The following QARS1 variants were observed in gnomAD, a reference collection of about 807,000 sequenced individuals.
The protein encoded by QARS1 is glutaminyl-tRNA synthetase 1.
QARS1 carries 79 observed loss-of-function variants against 106.9 expected under a neutral mutation model. The observed-to-expected ratio is 0.74, with a 90% CI of 0.62 to 0.89. The LOEUF is 0.89. QARS1 is among the 40% of genes least tolerant of loss of function. The probability of loss-of-function intolerance (pLI) is 0.00; values close to 1 mark genes in which losing one functional copy is unlikely to be tolerated. For synonymous variants in QARS1, 395 were observed against 367.7 expected, an observed-to-expected ratio of 1.07 and a Z score of -0.85; for missense variants, 966 against 997.2, an observed-to-expected ratio of 0.97 and a Z score of 0.42.
At position 49,100,403 on chromosome 3, in the gene QARS1, C is replaced by T. The variant is rs565068821; in HGVS notation, c.1032G>A (p.Ala344=). 2.8e-5 allele frequency: 46 copies of T among 1,614,240 alleles called. No individual in the cohort carries two copies. The highest frequency in any genetic ancestry group is 5.0e-5 in the Admixed American group (3 of 60,036). ...ACCTGCGGATGAGCTCCACAGCCCA[C>T]GCATATAGCTGGTCAAAATAGTCAG... The part of the protein sequence containing the change: ...YASDYFDQLY[A]WAVELIRRGL... The change falls in exon 12 of 24, where the codon GCG becomes GCA. Residue 344 remains alanine, a synonymous_variant. Coordinates refer to ENST00000306125, the MANE Select transcript of QARS1 (RefSeq NM_005051.3).
In QARS1 at chr3:49,099,303, A is replaced by C. The variant is rs376649448; in HGVS notation, c.1614+41T>G. 2.5e-6 allele frequency: 4 copies of C among 1,613,928 alleles called. No individual in the cohort carries two copies. In the African/African-American group the frequency reaches 5.3e-5, roughly 22 times the overall value. On this transcript the variant is annotated intron_variant, in intron 17 of 23. Coordinates refer to ENST00000306125, the MANE Select transcript of QARS1 (RefSeq NM_005051.3). ...CACAGCTACAATCACAAACTGCCAC[A>C]CTCAACCCCCAATGTATCTACCCAA...
At chr3:49,099,059 G>A (rs747263842) in intron 18 of QARS1, 51 bp downstream of exon 18, 5 of 1,613,672 alleles carry the variant, frequency 3.1e-6, no homozygotes, top group Non-Finnish European at 8.5e-7. Context: ...AGAGCCAAGT[G>A]TACCCCCAGC....
Position 49,099,429 on chromosome 3 carries a change from T to C in QARS1, c.1529A>G (p.Asp510Gly). 1 of 1,614,118 alleles carries C rather than the reference T, an allele frequency of 6.2e-7. No individual in the cohort carries two copies. Among genetic ancestry groups the C allele is most frequent in the South Asian group, 1.1e-5 (1 of 91,078 alleles). ...TGTAAAGAGCCGTGGGTCATCCCAG[T>C]CCCTGTGGATAAGAAGGTGGTGAGA... ...LQLVATGAVR[D>G]WDDPRLFTLT... is the part of the protein sequence containing the mutation. Residue 510 changes from aspartate (D) to glycine (G), a missense_variant and splice_region_variant, in exon 17 of 24, where the codon GAC becomes GGC. Coordinates refer to ENST00000306125, the MANE Select transcript of QARS1 (RefSeq NM_005051.3).
chr3:49,099,885 C>A, intron 14 of QARS1, 32 bp from the exon 15 acceptor site: 1 of 1,614,020 alleles, frequency 6.2e-7, no homozygotes. Context: ...CCCTACCATC[C>A]AGCCCTACTC....
Position 49,095,986 on chromosome 3 carries a change from G to A in QARS1, c.*43C>T. The A allele has an allele frequency of 6.3e-7, 1 of 1,591,324 alleles. No homozygotes were observed. The highest frequency in any genetic ancestry group is 8.6e-7 in the Non-Finnish European group (1 of 1,161,470). On this transcript the variant is annotated 3_prime_UTR_variant, in exon 24 of 24. Transcript: ENST00000306125. ...CATGGAATTTGGGGTGGCGAGGGTA[G>A]CCACACCCTCCAGGAGGATGAGGTA... is the stretch of plus-strand genomic sequence containing the variant.
chr3:49,103,207 C>T, intron 5 of QARS1, 138 bp downstream of exon 5: 5 of 877,986 alleles, frequency 5.7e-6, no homozygotes, highest in South Asian at 5.7e-5. Context: ...ATCCTCCTGC[C>T]TCAGCCTCCC....
Position 49,098,242 on chromosome 3 carries a change from G to A in QARS1, c.2101C>T (p.Pro701Ser), listed in dbSNP as rs746554229. The change falls in exon 22 of 24, where the codon CCT (proline) becomes TCT (serine). Residue 701 changes from proline (P) to serine (S), a missense_variant. Transcript: ENST00000306125. Reference sequence around the variant, plus strand: ...CCAGGCACCTCAGTAGGATCTTCAGGGTTCTTGTGCTGGAATCTGCAGCCA... The same window carrying A: ...CCAGGCACCTCAGTAGGATCTTCAGAGTTCTTGTGCTGGAATCTGCAGCCA... ...LYERLFQHKN[P>S]EDPTEVPGGF... is the part of the protein sequence containing the mutation. The A allele has an allele frequency of 1.2e-6, 2 of 1,614,140 alleles. No homozygotes were observed. Among genetic ancestry groups the A allele is most frequent in the Non-Finnish European group, 1.7e-6 (2 of 1,180,034 alleles).
chr3:49,100,084 C>T lies in QARS1; in HGVS notation c.1172G>A (p.Arg391His), dbSNP rs746827969. The T allele has an allele frequency of 5.6e-6, 9 of 1,614,222 alleles. No individual in the cohort carries two copies. The highest frequency in any genetic ancestry group is 4.5e-5 in the East Asian group (2 of 44,888). The change falls in exon 14 of 24, where the codon CGC (arginine) becomes CAC (histidine). Residue 391 changes from arginine to histidine, a missense_variant. Transcript: ENST00000306125. ...CTCGCCCTCTGAAAACTTGCCCTTG[C>T]GCATTGCCTGAGGGGAACAAGGACT... is the stretch of plus-strand genomic sequence containing the variant. ...EESLLLFEAM[R>H]KGKFSEGEAT...
At chr3:49,100,728 C>T (rs768754436) in intron 10 of QARS1, 54 bp from the exon 11 acceptor site, 1 of 1,384,534 alleles carries the variant, frequency 7.2e-7, no homozygotes, top group Non-Finnish European at 1.0e-6. Context: ...GCCCCACAAT[C>T]CTGTTTATCA....
intron 7 of QARS1, 28 bp downstream of exon 7, chr3:49,102,177 G>A (rs1207537381): frequency 5.6e-6 from 9 of 1,613,782 alleles, no homozygotes; most frequent in Non-Finnish European, 4.2e-6. Context: ...GGAGCTGAAT[G>A]CTGTGACAGG....
Position 49,098,129 on chromosome 3 carries a change from G to A in QARS1, c.2152-12C>T. ...ACGTGTAGTGATGCCTGCAGGCAGG[G>A]AACTCAGGCAACCATCCAACCAGGG... On this transcript the variant is annotated splice_polypyrimidine_tract_variant and intron_variant, in intron 22 of 23. Transcript: ENST00000306125. 6.2e-7 allele frequency: 1 copy of A among 1,614,180 alleles called. No homozygotes were observed. Among genetic ancestry groups the A allele is most frequent in the Non-Finnish European group, 8.5e-7 (1 of 1,180,042 alleles).
chr3:49,103,084 A>G (rs1308051071), intron 5 of QARS1, among the ~76,000 whole-genome samples: 1 of 152,072 alleles, frequency 6.6e-6, no homozygotes, highest in Non-Finnish European at 1.5e-5. Context: ...CAGCCCCACA[A>G]ATTGCTGGGA....
Position 49,099,856 on chromosome 3 carries a change from G to C in QARS1, c.1296-3C>G, listed in dbSNP as rs1001357206. On this transcript the variant is annotated splice_region_variant and splice_polypyrimidine_tract_variant and intron_variant, in intron 14 of 23. Coordinates refer to ENST00000306125, the MANE Select transcript of QARS1 (RefSeq NM_005051.3). ...AGTCGTAGGTGGGATAGATGCACCT[G>C]TGGGGCATAGGCAGTGGGCCCTACC... The C allele has an allele frequency of 2.5e-6, 4 of 1,611,948 alleles. No homozygotes were observed. The African/African-American group carries it at 5.4e-5, about 22-fold the overall frequency.
At chr3:49,100,158 A>C (rs756132483) in intron 13 of QARS1, 32 bp downstream of exon 13, 39 of 1,614,056 alleles carry the variant, frequency 2.4e-5, no homozygotes, top group Non-Finnish European at 3.3e-5. Context: ...ACCTTGGCCC[A>C]CCCAAACCCA....
Position 49,100,681 on chromosome 3 carries a change from A to G in QARS1, c.877-7T>C. ...AACAGATGCCATTGTTGGCCTAGGA[A>G]AGTTGCACCATCTGTGAACTCCCAC... On this transcript the variant is annotated splice_region_variant and splice_polypyrimidine_tract_variant and intron_variant, in intron 10 of 23. Coordinates refer to ENST00000306125, the MANE Select transcript of QARS1 (RefSeq NM_005051.3). 1 of 1,565,334 alleles carries G rather than the reference A, an allele frequency of 6.4e-7. No homozygotes were observed. The highest frequency in any genetic ancestry group is 1.1e-5 in the South Asian group (1 of 90,026).
chr3:49,096,893 G>A (rs1381478224), intron 23 of QARS1, among the ~76,000 whole-genome samples: 3 of 149,962 alleles, frequency 2.0e-5, no homozygotes, highest in Admixed American at 6.7e-5. Flanking sequence ...GCTGAGGCAG[G>A]AGAATGGCTT....
chr3:49,098,664 GCCAGGCGCTTAAAT>G lies in QARS1; in HGVS notation c.1878_1891del (p.Phe627LeufsTer15). ...CCTCAGGCCCACAGGCTGGCCCCAA[GCCAGGCGCTTAAAT>G]CCTGGCTCTGGCTCCTAGAGATAGG... On this transcript the variant is annotated frameshift_variant, in exon 20 of 24. Coordinates refer to ENST00000306125, the MANE Select transcript of QARS1 (RefSeq NM_005051.3). LOFTEE classifies it high-confidence loss of function. The G allele has an allele frequency of 6.2e-7, 1 of 1,607,522 alleles. No individual in the cohort carries two copies. Among genetic ancestry groups the G allele is most frequent in the Non-Finnish European group, 8.5e-7 (1 of 1,177,056 alleles).
In QARS1 at chr3:49,098,895, T is replaced by A; in HGVS notation, c.1853A>T (p.Asp618Val). The A allele has an allele frequency of 6.2e-7, 1 of 1,612,648 alleles. No homozygotes were observed. Among genetic ancestry groups the A allele is most frequent in the African/African-American group, 1.3e-5 (1 of 74,992 alleles). The stretch of plus-strand genomic sequence containing the variant: ...ACCCCCACAATTTACCTCCTTGAAG[T>A]CAGTCCTCTCAATGAAGACAATGGG... ...FAPIVFIERT[D>V]FKEEPEPGFK... Residue 618 changes from aspartate to valine, a missense_variant, in exon 19 of 24, where the codon GAC becomes GTC. Asp to Val is a radical substitution (Grantham distance 152). Coordinates refer to ENST00000306125, the MANE Select transcript of QARS1 (RefSeq NM_005051.3).
rs1140525 is a variant in QARS1 at position 49,104,632 on chromosome 3, G to A, written c.102C>T (p.Arg34=). The A allele has an allele frequency of 6.2e-7, 1 of 1,604,824 alleles. No individual in the cohort carries two copies. Among genetic ancestry groups the A allele is most frequent in the East Asian group, 2.2e-5 (1 of 44,580 alleles). Residue 34 remains arginine, a synonymous_variant, in exon 1 of 24, where the codon CGC becomes CGT. Transcript: ENST00000306125. ...GGGCTCGCACCTGAGTAGCGGCCTC[G>A]CGCAGCTGCGCGCTCAGAGCCGAGT... The part of the protein sequence containing the change: ...LKNSALSAQL[R]EAATQAQQTL...
Sources: allele counts gnomAD v4.1 joint callset (sites outside exome capture counted in the v4.1 genomes callset), GRCh38; gene constraint gnomAD v4.1.1; transcripts MANE v1.5; gene names NCBI Gene and HGNC (gene_info 2026-07-23, HGNC 2026-07-21).